Variants in SDK1 observed in about 807,000 individuals in gnomAD.
SDK1 encodes the protein sidekick cell adhesion molecule 1.
In SDK1, 157 loss-of-function variants were observed where a neutral mutation model predicts 245.5. The observed-to-expected ratio is 0.64, with a 90% CI of 0.56 to 0.73. SDK1 has a LOEUF of 0.73. Among genes scored for constraint, SDK1 ranks in the 30% least tolerant of loss-of-function variants. SDK1 has a pLI of 0.00. For synonymous variants in SDK1, 1,647 were observed against 1,278.5 expected (o/e 1.29, Z -6.15); for missense variants, 3,583 against 3,002.3 (o/e 1.19, Z -4.52).
At chr7:3,908,257 A>G (rs965634864) in intron 5 of SDK1, among the ~76,000 whole-genome samples, 1 of 152,196 alleles carries the variant, frequency 6.6e-6, no homozygotes, top group Non-Finnish European at 1.5e-5. Context: ...CAAACAGTGA[A>G]CACTCACTGA....
rs1783402246 is a variant in SDK1, at chr7:4,194,113, A to G, written c.5099-11766A>G. On this transcript the variant is annotated intron_variant, in intron 35 of 44. Transcript: ENST00000404826. The stretch of plus-strand genomic sequence containing the variant: ...AACCAACAGAAGAACTCCATCCTGA[A>G]TATTCTGTCTCTCTAGAACCACTCC... Among the ~76,000 whole-genome samples the G allele has an allele frequency of 3.3e-5, 5 of 152,114 alleles. No individual in the cohort carries two copies. In the South Asian group the frequency reaches 1.0e-3, roughly 32 times the overall value.
intron 17 of SDK1, among the ~76,000 whole-genome samples, chr7:4,042,659 G>GAGC: frequency 1.1e-5 from 1 of 91,764 alleles, no homozygotes; most frequent in Non-Finnish European, 2.0e-5. Flanking sequence ...GGCTTAGTCT[G>GAGC]AGCAGCGGGA....
At chr7:3,809,618 A>G (rs1298974590) in intron 4 of SDK1, among the ~76,000 whole-genome samples, 1 of 152,236 alleles carries the variant, frequency 6.6e-6, no homozygotes, top group African/African-American at 2.4e-5. Context: ...AAGCATTTCA[A>G]AAAGCAGTTC....
chr7:3,688,806 C>G (rs967430894), intron 4 of SDK1, among the ~76,000 whole-genome samples: 1 of 152,192 alleles, frequency 6.6e-6, no homozygotes, highest in Non-Finnish European at 1.5e-5. Flanking sequence ...TGGATCCTGC[C>G]TCCATTCTGA....
intron 34 of SDK1, among the ~76,000 whole-genome samples, chr7:4,176,883 T>G (rs1782247615): frequency 1.3e-5 from 2 of 152,222 alleles, no homozygotes; most frequent in African/African-American, 4.8e-5. Flanking sequence ...TCAGCCTCCC[T>G]TCACCCTTTC....
At chr7:3,831,858 G>A (rs1421993551) in intron 5 of SDK1, among the ~76,000 whole-genome samples, 1 of 152,044 alleles carries the variant, frequency 6.6e-6, no homozygotes, top group African/African-American at 2.4e-5. Context: ...ACCAGTCTGG[G>A]CAACACAGGG....
intron 14 of SDK1, among the ~76,000 whole-genome samples, chr7:3,997,745 A>G (rs1245233866): frequency 1.3e-5 from 2 of 152,130 alleles, no homozygotes; most frequent in African/African-American, 4.8e-5. Flanking sequence ...CACTCCAGCC[A>G]GGGGGACTGG....
chr7:3,715,200 G>T (rs541235172), intron 4 of SDK1, among the ~76,000 whole-genome samples: 1 of 151,720 alleles, frequency 6.6e-6, no homozygotes, highest in Admixed American at 6.6e-5. Context: ...ATACTAGATC[G>T]TCATAAATTG....
intron 1 of SDK1, among the ~76,000 whole-genome samples, chr7:3,612,131 G>A (rs1393847629): frequency 6.6e-6 from 1 of 151,978 alleles, no homozygotes. Flanking sequence ...CTACACATTG[G>A]GTACAGTGTA....
chr7:3,469,375 G>A (rs1170714892), intron 1 of SDK1, among the ~76,000 whole-genome samples: 1 of 152,168 alleles, frequency 6.6e-6, no homozygotes, highest in Non-Finnish European at 1.5e-5. Flanking sequence ...AGGCTGAAGT[G>A]AGCCATGATT....
At chr7:3,916,755 A>G (rs891942669) in intron 5 of SDK1, among the ~76,000 whole-genome samples, 3 of 152,204 alleles carry the variant, frequency 2.0e-5, no homozygotes, top group East Asian at 1.9e-4. Flanking sequence ...CCCAAATTCT[A>G]TATACTTTAC....
At chr7:4,115,026 T>A (rs1783611271) in intron 25 of SDK1, among the ~76,000 whole-genome samples, 1 of 152,176 alleles carries the variant, frequency 6.6e-6, no homozygotes, top group South Asian at 2.1e-4. Flanking sequence ...GGCTGCCTAA[T>A]CTTCTGGGCT....
Position 3,987,331 on chromosome 7 carries a change from C to T in SDK1, c.2131+9C>T. On this transcript the variant is annotated intron_variant, in intron 14 of 44. Coordinates refer to ENST00000404826, the MANE Select transcript of SDK1 (RefSeq NM_152744.4). ...GGAGCTCTCTGAAAACAGTAAGTAG[C>T]AAAATGAAACTGTCACCATGGACGA... is the stretch of plus-strand genomic sequence containing the variant. The T allele has an allele frequency of 6.2e-7, 1 of 1,612,872 alleles. No individual in the cohort carries two copies. The highest frequency in any genetic ancestry group is 1.7e-4 in the Middle Eastern group (1 of 5,974).
At chr7:3,460,637 T>C (rs2128594703) in intron 1 of SDK1, among the ~76,000 whole-genome samples, 1 of 152,352 alleles carries the variant, frequency 6.6e-6, no homozygotes, top group African/African-American at 2.4e-5. Flanking sequence ...CCTACCCTTA[T>C]TTTATAGGTT....
chr7:3,453,561 A>G (rs1334770059), intron 1 of SDK1, among the ~76,000 whole-genome samples: 1 of 152,174 alleles, frequency 6.6e-6, no homozygotes, highest in Non-Finnish European at 1.5e-5. Flanking sequence ...GACTGCAGGC[A>G]GAGATTGCAG....
chr7:4,192,013 TCTCTTCCGAGAGAA>T (rs1487561238), intron 35 of SDK1, among the ~76,000 whole-genome samples: 1 of 152,100 alleles, frequency 6.6e-6, no homozygotes, highest in Non-Finnish European at 1.5e-5. Flanking sequence ...CCAGCCACAC[TCTCTTCCGAGAGAA>T]CTCTTCCCCT....
chr7:3,571,974 C>T (rs1289362058), intron 1 of SDK1, among the ~76,000 whole-genome samples: 3 of 152,030 alleles, frequency 2.0e-5, no homozygotes, highest in Non-Finnish European at 4.4e-5. Context: ...TTGCTATCTG[C>T]TGTTAGGAAA....
At chr7:4,212,927 C>A (rs534560427) in intron 38 of SDK1, among the ~76,000 whole-genome samples, 1 of 152,258 alleles carries the variant, frequency 6.6e-6, no homozygotes, top group African/African-American at 2.4e-5. Flanking sequence ...GCAGAATCTC[C>A]GTGGAAACTC....
rs746738264 is a variant in SDK1, at chr7:3,639,094, A to C, written c.549A>C (p.Ser183=). ...NRMGALLQRK[S]EVQVAYMGSF... The stretch of plus-strand genomic sequence containing the variant: ...TGGGAGCACTCCTGCAAAGAAAATC[A>C]GAAGTTCAAGTCGCATGTATGTGTA... The change falls in exon 3 of 45, where the codon TCA becomes TCC. Residue 183 remains serine (S), a synonymous_variant. Coordinates refer to ENST00000404826, the MANE Select transcript of SDK1 (RefSeq NM_152744.4). The C allele has an allele frequency of 6.3e-7, 1 of 1,598,252 alleles. No individual in the cohort carries two copies. Among genetic ancestry groups the C allele is most frequent in the South Asian group, 1.1e-5 (1 of 89,280 alleles).
Sources: gnomAD v4.1 joint callset for allele counts (sites outside exome capture counted in the v4.1 genomes callset) on GRCh38, gnomAD v4.1.1 for gene constraint, MANE v1.5 for transcripts, NCBI Gene and HGNC (gene_info 2026-07-23, HGNC 2026-07-21) for gene names.